EIF4E: variants seen among roughly 807,000 people sequenced by gnomAD.
EIF4E encodes eukaryotic translation initiation factor 4E, also known as eIF-4F 25 kDa subunit.
For synonymous variants in EIF4E, 71 were observed against 88.5 expected, an observed-to-expected ratio of 0.80 and a Z score of 1.11; for missense variants, 113 against 265.6, an observed-to-expected ratio of 0.43 and a Z score of 3.99.
At position 98,890,951 on chromosome 4, in the gene EIF4E, AAC is replaced by A. The variant is rs1724119639; in HGVS notation, c.221+284_221+285del. ...AATGTATCTTGGCAACCAGGAGTGG[AAC>A]AAGTTCCAACTAGCTGTCAAAAGTT... is the stretch of plus-strand genomic sequence containing the variant. On this transcript the variant is annotated intron_variant, in intron 3 of 6. Coordinates refer to ENST00000450253, the MANE Select transcript of EIF4E (RefSeq NM_001968.5). The A allele has an allele frequency of 9.0e-6, 4 of 442,556 alleles. No homozygotes were observed. In the Admixed American group the frequency reaches 1.6e-4, roughly 18 times the overall value. 27.4% of individuals were successfully genotyped at this position (442,556 alleles called of 1,614,324 possible).
chr4:98,927,654 C>CAAA lies in EIF4E; in HGVS notation c.18+1438_18+1440dup, dbSNP rs774720176. ...TGGGCGACAAAGCAAGACTCCATCT[C>CAAA]AAAAAAAAAAAAAAAAAAAAAAAAA... On this transcript the variant is annotated intron_variant, in intron 1 of 6. Coordinates refer to ENST00000450253, the MANE Select transcript of EIF4E (RefSeq NM_001968.5). Among the ~76,000 whole-genome samples the CAAA allele has an allele frequency of 9.2e-3, 321 of 35,074 alleles. 10 individuals carry two copies. The highest frequency in any genetic ancestry group is 0.013 in the South Asian group (8 of 628). 23.0% of individuals were successfully genotyped at this position (35,074 alleles called of 152,430 possible).
chr4:98,886,906 C>G (rs781593999), intron 5 of EIF4E, 173 bp downstream of exon 5: 12 of 619,228 alleles, frequency 1.9e-5, no homozygotes, highest in Non-Finnish European at 3.4e-5. Flanking sequence ...TAGGATGTTT[C>G]ACTGTACTAT....
intron 2 of EIF4E, among the ~76,000 whole-genome samples, chr4:98,895,931 C>T (rs1560639567): frequency 6.6e-6 from 1 of 152,166 alleles, no homozygotes; most frequent in Non-Finnish European, 1.5e-5. Context: ...GGCGCAGTGG[C>T]TCACGCCCGT....
chr4:98,923,085 A>C (rs527671955), intron 1 of EIF4E, among the ~76,000 whole-genome samples: 5 of 151,778 alleles, frequency 3.3e-5, no homozygotes, highest in Non-Finnish European at 5.9e-5. Context: ...TCCCGACCTC[A>C]GGTGATCCGC....
chr4:98,897,680 T>TA (rs1724468576), intron 2 of EIF4E, among the ~76,000 whole-genome samples: 1 of 152,224 alleles, frequency 6.6e-6, no homozygotes, highest in South Asian at 2.1e-4. Flanking sequence ...TCCACTACTG[T>TA]AAAACAAAAT....
intron 1 of EIF4E, among the ~76,000 whole-genome samples, chr4:98,920,370 G>C (rs1241766105): frequency 1.3e-5 from 2 of 151,090 alleles, no homozygotes; most frequent in Admixed American, 6.6e-5. Flanking sequence ...GCACCATCTC[G>C]GCTCACTGCA....
chr4:98,919,760 T>C (rs1276138398), intron 1 of EIF4E, among the ~76,000 whole-genome samples: 1 of 151,972 alleles, frequency 6.6e-6, no homozygotes, highest in Non-Finnish European at 1.5e-5. Context: ...GGTTTCACCA[T>C]GTTGGCCAGG....
chr4:98,928,850 C>T, intron 1 of EIF4E: 1 of 1,536,564 alleles, frequency 6.5e-7, no homozygotes, highest in South Asian at 1.2e-5. Flanking sequence ...GGAGGCGCCA[C>T]GCCGCCCCTC....
chr4:98,898,284 A>G (rs1724501797), intron 2 of EIF4E, among the ~76,000 whole-genome samples: 1 of 152,196 alleles, frequency 6.6e-6, no homozygotes, highest in Non-Finnish European at 1.5e-5. Flanking sequence ...GAAGGCAGAA[A>G]CAGCTATGAA....
chr4:98,911,661 CAAA>C (rs767631331), intron 1 of EIF4E, among the ~76,000 whole-genome samples: 1,302 of 59,964 alleles, frequency 0.022, 6 homozygotes, highest in African/African-American at 0.076. Context: ...AACTCTGTCT[CAAA>C]AAAAAAAAAA....
Position 98,887,757 on chromosome 4 carries a change from T to C in EIF4E, c.285+132A>G, listed in dbSNP as rs1723984299. On this transcript the variant is annotated intron_variant, in intron 4 of 6. Transcript: ENST00000450253. This position sits in a 1 kb window ranked among gnomAD's most constrained non-coding sequence, Gnocchi z 4.0. ...AATAAGATATATTGATACTAAAGCA[T>C]ACTACAGCCAATTAAATTATCAGCC... 5.2e-6 allele frequency: 4 copies of C among 772,308 alleles called. No homozygotes were observed. The Admixed American group carries it at 6.8e-5, about 13-fold the overall frequency. The allele number at this position is 772,308 out of a possible 1,614,324, so 47.8% of individuals were successfully genotyped here.
intron 1 of EIF4E, among the ~76,000 whole-genome samples, chr4:98,912,530 C>T (rs1230090578): frequency 2.0e-5 from 3 of 151,350 alleles, no homozygotes; most frequent in East Asian, 2.0e-4. Flanking sequence ...GAGCTGAGAT[C>T]GCACCACTGC....
intron 6 of EIF4E, among the ~76,000 whole-genome samples, chr4:98,882,392 G>A (rs1243308030): frequency 2.1e-4 from 18 of 85,150 alleles, no homozygotes; most frequent in African/African-American, 8.8e-4. Context: ...GCAAGACTCC[G>A]TCTCAAAAAA....
chr4:98,886,964 T>C (rs1037530633), intron 5 of EIF4E, 115 bp downstream of exon 5: 1 of 1,078,040 alleles, frequency 9.3e-7, no homozygotes, highest in South Asian at 1.3e-5. Context: ...ACCCTGATTT[T>C]CTAGTGTTGG....
chr4:98,916,417 A>T (rs548761975), intron 1 of EIF4E, among the ~76,000 whole-genome samples: 1 of 152,202 alleles, frequency 6.6e-6, no homozygotes, highest in South Asian at 2.1e-4. Context: ...AGTCCAAGAG[A>T]TCTAATATCT....
At chr4:98,885,227 A>G (rs1723864095) in intron 5 of EIF4E, among the ~76,000 whole-genome samples, 166 bp from the exon 6 acceptor site, 1 of 152,208 alleles carries the variant, frequency 6.6e-6, no homozygotes, top group South Asian at 2.1e-4. Context: ...CCTGACTTTT[A>G]AATACTCATT....
At chr4:98,921,962 A>G (rs12651447) in intron 1 of EIF4E, among the ~76,000 whole-genome samples, 11,506 of 152,242 alleles carry the variant, frequency 0.076, 1,052 homozygotes, top group East Asian at 0.49. Context: ...TGCTTGGTTT[A>G]GTCCTCAAGA....
At chr4:98,928,880 T>C in intron 1 of EIF4E, 1 of 1,535,344 alleles carries the variant, frequency 6.5e-7, no homozygotes, top group Non-Finnish European at 8.8e-7. Context: ...GCTCCCCCAG[T>C]TCTCGGGCCC....
At chr4:98,889,736 T>C (rs566133038) in intron 3 of EIF4E, among the ~76,000 whole-genome samples, 1 of 152,210 alleles carries the variant, frequency 6.6e-6, no homozygotes, top group Non-Finnish European at 1.5e-5. Context: ...GGTAGAATTA[T>C]GTAAACTGGT....
Sources: gnomAD v4.1 joint callset for allele counts (sites outside exome capture counted in the v4.1 genomes callset) on GRCh38, gnomAD v4.1.1 for gene constraint, Gnocchi (gnomAD v3.1) non-coding constraint, MANE v1.5 for transcripts, NCBI Gene and HGNC (gene_info 2026-07-23, HGNC 2026-07-21) for gene names.